The following FGF14 variants were observed in gnomAD, a reference collection of about 807,000 sequenced individuals.
The protein encoded by FGF14 is fibroblast growth factor homologous factor 4.
FGF14 carries 5 observed loss-of-function variants against 25.5 expected under a neutral mutation model. The ratio of observed to expected loss-of-function variants is 0.20; its 90% CI spans 0.10 to 0.41. FGF14 has a LOEUF of 0.41. Among genes scored for constraint, FGF14 ranks in the 10% least tolerant of loss-of-function variants. The pLI is 1.00. For missense variants in FGF14, 222 were observed against 320.1 expected (o/e 0.69, Z 2.34); for synonymous variants, 138 against 118.3 (o/e 1.17, Z -1.08).
chr13:102,011,866 T>G (rs2139806761), intron 1 of FGF14, among the ~76,000 whole-genome samples: 1 of 152,332 alleles, frequency 6.6e-6, no homozygotes, highest in South Asian at 2.1e-4. Flanking sequence ...TCCCAGCATC[T>G]GAATTAAGTG....
intron 1 of FGF14, among the ~76,000 whole-genome samples, chr13:101,972,525 TA>T (rs1483645103): frequency 2.0e-5 from 3 of 152,176 alleles, no homozygotes; most frequent in Non-Finnish European, 4.4e-5. Context: ...AATTTCAAAA[TA>T]TTTGGAATTG....
chr13:101,747,097 A>G (rs550373180), intron 3 of FGF14, among the ~76,000 whole-genome samples: 21 of 151,940 alleles, frequency 1.4e-4, no homozygotes, highest in Admixed American at 3.3e-4. Flanking sequence ...AGCATTGTCA[A>G]TGAAGCTCTT....
intron 1 of FGF14, among the ~76,000 whole-genome samples, chr13:102,128,908 C>A (rs568467176): frequency 2.6e-5 from 4 of 152,176 alleles, no homozygotes; most frequent in African/African-American, 9.6e-5. Flanking sequence ...CACGGTGAAA[C>A]CCTGTCTCTA....
At chr13:101,841,918 A>G (rs2043214483) in intron 3 of FGF14, among the ~76,000 whole-genome samples, 1 of 151,974 alleles carries the variant, frequency 6.6e-6, no homozygotes, top group Non-Finnish European at 1.5e-5. Flanking sequence ...TGCACGTGAA[A>G]AGAATACTCA....
intron 1 of FGF14, among the ~76,000 whole-genome samples, chr13:102,102,947 G>A (rs950063820): frequency 1.3e-5 from 2 of 152,114 alleles, no homozygotes; most frequent in Non-Finnish European, 2.9e-5. Context: ...TCTAGTACAC[G>A]GCCAGGAGGA....
intron 1 of FGF14, among the ~76,000 whole-genome samples, chr13:102,393,138 A>T (rs1397735283): frequency 6.6e-6 from 1 of 152,066 alleles, no homozygotes; most frequent in African/African-American, 2.4e-5. Context: ...GTCATTCTTC[A>T]TGACTCAGTC....
At chr13:101,758,592 C>A (rs1036283653) in intron 3 of FGF14, among the ~76,000 whole-genome samples, 1 of 152,178 alleles carries the variant, frequency 6.6e-6, no homozygotes, top group Non-Finnish European at 1.5e-5. Context: ...CATAAAGACA[C>A]AATAACTAAA....
At chr13:102,269,851 A>G (rs1279189588) in intron 1 of FGF14, among the ~76,000 whole-genome samples, 1 of 152,204 alleles carries the variant, frequency 6.6e-6, no homozygotes, top group African/African-American at 2.4e-5. Context: ...AAAAAAAAAA[A>G]TCAGAAACTA....
At chr13:102,056,329 C>A (rs1265145529) in intron 1 of FGF14, among the ~76,000 whole-genome samples, 1 of 152,202 alleles carries the variant, frequency 6.6e-6, no homozygotes, top group Non-Finnish European at 1.5e-5. Flanking sequence ...CATAGTTCAA[C>A]AATCATTTAC....
chr13:102,398,500 A>T (rs2139280483), intron 1 of FGF14, among the ~76,000 whole-genome samples: 3 of 152,338 alleles, frequency 2.0e-5, no homozygotes, highest in Middle Eastern at 6.8e-3. Flanking sequence ...TAGGTGCTTT[A>T]CACCAAATTC....
In FGF14 at chr13:102,400,256, T is replaced by A; in HGVS notation, c.208+1215A>T. Among the ~76,000 whole-genome samples, 1 of 152,152 alleles carries A rather than the reference T, an allele frequency of 6.6e-6. No homozygotes were observed. Reference sequence around the variant, plus strand: ...GCGTCAGGGAGGCCGTGGAGAGCCATGATCTACTGCACCGCAGTGCCAGCG... The same window carrying A: ...GCGTCAGGGAGGCCGTGGAGAGCCAAGATCTACTGCACCGCAGTGCCAGCG... On this transcript the variant is annotated intron_variant, in intron 1 of 4. Transcript: ENST00000376131. This position sits in a 1 kb window ranked among gnomAD's most constrained non-coding sequence, Gnocchi z 4.3.
intron 3 of FGF14, among the ~76,000 whole-genome samples, chr13:101,843,910 T>C (rs543553875): frequency 6.6e-6 from 1 of 152,060 alleles, no homozygotes; most frequent in Non-Finnish European, 1.5e-5. Context: ...TACTGTTAGT[T>C]ATCTATATCT....
At chr13:101,752,713 C>T (rs1219209415) in intron 3 of FGF14, among the ~76,000 whole-genome samples, 2 of 152,138 alleles carry the variant, frequency 1.3e-5, no homozygotes, top group Non-Finnish European at 2.9e-5. Context: ...CTCATGTTCT[C>T]TCTATTTTTT....
intron 1 of FGF14, among the ~76,000 whole-genome samples, chr13:102,290,966 G>C (rs947423174): frequency 1.3e-5 from 2 of 152,132 alleles, no homozygotes; most frequent in Non-Finnish European, 2.9e-5. Flanking sequence ...CTTTAGGGGA[G>C]CATAAGATGT....
chr13:102,315,589 T>C (rs2055982446), intron 1 of FGF14, among the ~76,000 whole-genome samples: 1 of 152,230 alleles, frequency 6.6e-6, no homozygotes, highest in African/African-American at 2.4e-5. Flanking sequence ...GGTTAGTTTA[T>C]TAAATTAATT....
intron 1 of FGF14, among the ~76,000 whole-genome samples, chr13:101,883,395 T>C (rs144935880): frequency 6.6e-5 from 10 of 152,322 alleles, no homozygotes; most frequent in African/African-American, 2.2e-4. Context: ...ATCCTTTCTA[T>C]GTTTTGTTTA....
intron 1 of FGF14, among the ~76,000 whole-genome samples, chr13:102,127,177 C>T (rs2140392350): frequency 6.6e-6 from 1 of 152,078 alleles, no homozygotes; most frequent in Middle Eastern, 3.4e-3. Context: ...TACTCTTAAA[C>T]TGAAGTCCAT....
intron 1 of FGF14, among the ~76,000 whole-genome samples, chr13:102,032,459 C>T (rs1276607704): frequency 6.6e-6 from 1 of 151,714 alleles, no homozygotes; most frequent in Non-Finnish European, 1.5e-5. Flanking sequence ...GCTGAACATA[C>T]TGGATGGGAG....
At chr13:101,845,354 T>A (rs2043400861) in intron 3 of FGF14, among the ~76,000 whole-genome samples, 1 of 151,980 alleles carries the variant, frequency 6.6e-6, no homozygotes, top group African/African-American at 2.4e-5. Context: ...ATATGAAAAC[T>A]CGGGGAGCAA....
Sources: gnomAD v4.1 joint callset for allele counts (sites outside exome capture counted in the v4.1 genomes callset) on GRCh38, gnomAD v4.1.1 for gene constraint, Gnocchi (gnomAD v3.1) non-coding constraint, MANE v1.5 for transcripts, NCBI Gene and HGNC (gene_info 2026-07-23, HGNC 2026-07-21) for gene names.